Variants in FAN1 observed in about 807,000 individuals in gnomAD.
FAN1 encodes the protein FANCD2 and FANCI associated nuclease 1.
In FAN1, 91 loss-of-function variants were observed where a neutral mutation model predicts 104.9. The ratio of observed to expected loss-of-function variants is 0.87; its 90% CI spans 0.73 to 1.03. The LOEUF (loss-of-function observed/expected upper bound fraction) is 1.03. FAN1 is among the 50% of genes least tolerant of loss of function. FAN1 has a pLI of 0.00. For synonymous variants in FAN1, 478 were observed against 457.6 expected (o/e 1.04, Z -0.57); for missense variants, 1,263 against 1,239.9 (o/e 1.02, Z -0.28).
At chr15:30,941,005 T>G (rs2063028372) in intron 14 of FAN1, 4 of 1,160,166 alleles carry the variant, frequency 3.4e-6, no homozygotes, top group South Asian at 3.5e-5. Context: ...ATCAGGTGAG[T>G]TCAATTAGAG....
At chr15:30,939,906 G>A (rs2062981078) in intron 14 of FAN1, 1 of 985,214 alleles carries the variant, frequency 1.0e-6, no homozygotes, top group Non-Finnish European at 1.2e-6. Flanking sequence ...AAAACCTTGG[G>A]TTTACCCATA....
Position 30,905,890 on chromosome 15 carries a change from G to A in FAN1, c.1227G>A (p.Gln409=). 6.2e-7 allele frequency: 1 copy of A among 1,611,560 alleles called. No homozygotes were observed. The highest frequency in any genetic ancestry group is 1.1e-5 in the South Asian group (1 of 91,002). Residue 409 remains glutamine, a synonymous_variant, in exon 2 of 15, where the codon CAG becomes CAA. Coordinates refer to ENST00000362065, the MANE Select transcript of FAN1 (RefSeq NM_014967.5). ...QEKGIVTKFY[Q]LSATGQKLYV... ...AGGGAATTGTAACTAAATTTTATCA[G>A]TTATCAGGTATCTTACGCACGTGTT...
intron 6 of FAN1, 89 bp downstream of exon 6, chr15:30,918,384 C>T: frequency 1.5e-6 from 2 of 1,314,710 alleles, no homozygotes; most frequent in Non-Finnish European, 2.2e-6. Context: ...GAAGAATATA[C>T]TCCTTTTTCT....
At chr15:30,926,039 T>C in intron 10 of FAN1, 100 bp downstream of exon 10, 1 of 1,217,624 alleles carries the variant, frequency 8.2e-7, no homozygotes, top group South Asian at 1.4e-5. Flanking sequence ...CTCTCTGTCC[T>C]CTGCTCACAG....
Position 30,914,018 on chromosome 15 carries a change from G to C in FAN1, c.1738G>C (p.Gly580Arg), listed in dbSNP as rs186233126. The C allele has an allele frequency of 6.2e-7, 1 of 1,614,104 alleles. No homozygotes were observed. ...TTCAACAGTCCTGTTGGTCAACCTC[G>C]GCCGAATGGAGTTTCCTAGTTACAC... Reference protein sequence around the residue: ...QLSTVLLVNLGRMEFPSYTIN... With the variant: ...QLSTVLLVNLRRMEFPSYTIN... The change falls in exon 5 of 15, where the codon GGC becomes CGC. Residue 580 changes from glycine (G) to arginine (R), a missense_variant. Transcript: ENST00000362065.
rs531416427 is a variant in FAN1, at chr15:30,905,479, G to C, written c.816G>C (p.Arg272Ser). Residue 272 changes from arginine (R) to serine (S), a missense_variant, in exon 2 of 15, where the codon AGG becomes AGC. This residue lies in a region of FAN1 where 682 missense variants were observed against 571.1 expected (regional missense o/e 1.19). Transcript: ENST00000362065. ...IMLFSPDFTL[R>S]NTLKSTSEDS... is the part of the protein sequence containing the mutation. Reference sequence around the variant, plus strand: ...TATTCTCACCAGATTTCACTCTTAGGAATACATTAAAGTCTACTTCAGAAG... The same window carrying C: ...TATTCTCACCAGATTTCACTCTTAGCAATACATTAAAGTCTACTTCAGAAG... 3 of 1,614,046 alleles carry C rather than the reference G, an allele frequency of 1.9e-6. No individual in the cohort carries two copies. The highest frequency in any genetic ancestry group is 2.5e-6 in the Non-Finnish European group (3 of 1,179,954).
At chr15:30,908,751 G>C (rs1202663920) in intron 3 of FAN1, among the ~76,000 whole-genome samples, 2 of 152,216 alleles carry the variant, frequency 1.3e-5, no homozygotes, top group Admixed American at 1.3e-4. Flanking sequence ...TGAGGCAGGA[G>C]AATCACTTGA....
At chr15:30,917,075 G>A (rs891504506) in intron 5 of FAN1, among the ~76,000 whole-genome samples, 17 of 152,178 alleles carry the variant, frequency 1.1e-4, no homozygotes, top group African/African-American at 4.1e-4. Flanking sequence ...CTGGGTTGTT[G>A]GTAGCGGCAG....
rs558085550 is a variant in FAN1, at chr15:30,926,604, A to G, written c.2488+665A>G. 1.1e-5 allele frequency: 11 copies of G among 984,738 alleles called. No homozygotes were observed. In the East Asian group the frequency reaches 1.2e-3, roughly 112 times the overall value. 61.0% of individuals were successfully genotyped at this position (984,738 alleles called of 1,614,324 possible). A position where few individuals can be genotyped will look rare whatever the true frequency, so the allele number is the denominator to read the frequency against. On this transcript the variant is annotated intron_variant, in intron 10 of 14. Coordinates refer to ENST00000362065, the MANE Select transcript of FAN1 (RefSeq NM_014967.5). ...CATCTACATAATATCTTTATTACTT[A>G]CAGGGAAGGGTGATGTTATTGGGGA... is the stretch of plus-strand genomic sequence containing the variant.
chr15:30,933,481 G>A (rs922833643), intron 13 of FAN1, among the ~76,000 whole-genome samples: 1 of 152,160 alleles, frequency 6.6e-6, no homozygotes, highest in African/African-American at 2.4e-5. Flanking sequence ...TGTATTCAGA[G>A]GACATATTTT....
chr15:30,925,454 C>A (rs892215202), intron 9 of FAN1, among the ~76,000 whole-genome samples, 163 bp downstream of exon 9: 1 of 152,192 alleles, frequency 6.6e-6, no homozygotes, highest in African/African-American at 2.4e-5. Flanking sequence ...CCAGTCTCCC[C>A]CTAACGCCCT....
chr15:30,905,730 C>T lies in FAN1; in HGVS notation c.1067C>T (p.Pro356Leu), dbSNP rs1045312673. 6.2e-7 allele frequency: 1 copy of T among 1,614,172 alleles called. No individual in the cohort carries two copies. Among genetic ancestry groups the T allele is most frequent in the African/African-American group, 1.3e-5 (1 of 75,042 alleles). The change falls in exon 2 of 15, where the codon CCT becomes CTT. Residue 356 changes from proline (P) to leucine (L), a missense_variant. By Grantham distance (98) the Pro-to-Leu change is moderately conservative. This residue lies in a region of FAN1 where 682 missense variants were observed against 571.1 expected (regional missense o/e 1.19). Coordinates refer to ENST00000362065, the MANE Select transcript of FAN1 (RefSeq NM_014967.5). ...AACAATGATATCCCTCACAGCATTC[C>T]TTTGGAGCAGGGGTCAAGCTGCAAT... ...CLNNDIPHSI[P>L]LEQGSSCNGP...
chr15:30,928,106 G>A, intron 10 of FAN1: 1 of 1,000,550 alleles, frequency 1.0e-6, no homozygotes, highest in Non-Finnish European at 1.2e-6. Context: ...CGGCCTCCGG[G>A]AGGTCCCCTT....
At chr15:30,940,474 C>T (rs1336907381) in intron 14 of FAN1, 2 of 985,276 alleles carry the variant, frequency 2.0e-6, no homozygotes, top group East Asian at 2.3e-4. Context: ...TGCAGGTGCC[C>T]AACTCGTAAC....
At position 30,908,209 on chromosome 15, in the gene FAN1, C is replaced by G. The variant is rs761870607; in HGVS notation, c.1326C>G (p.Asp442Glu). Reference protein sequence around the residue: ...TKLEYEEIALDLTPVIEELTN... With the variant: ...TKLEYEEIALELTPVIEELTN... ...TAGAGTATGAAGAGATTGCCTTAGA[C>G]TTAACACCTGTGATTGAAGAATTGA... Residue 442 changes from aspartate to glutamate, a missense_variant, in exon 3 of 15, where the codon GAC becomes GAG. Physicochemically the swap from Asp to Glu is conservative, Grantham distance 45. Around this residue, in one of 2 missense-constraint regions of FAN1, gnomAD observed 682 missense variants for 571.1 expected, o/e 1.19. Transcript: ENST00000362065. The G allele has an allele frequency of 6.2e-7, 1 of 1,610,238 alleles. No homozygotes were observed. The highest frequency in any genetic ancestry group is 8.5e-7 in the Non-Finnish European group (1 of 1,178,514).
At position 30,942,219 on chromosome 15, in the gene FAN1, T is replaced by C. The variant is rs1029786218; in HGVS notation, c.*657T>C. ...TTTCCTCCCTTCCTTTGTGTCCTTA[T>C]TCTAATCCTCCTCCCCTGGAATTAC... On this transcript the variant is annotated 3_prime_UTR_variant, in exon 15 of 15. Coordinates refer to ENST00000362065, the MANE Select transcript of FAN1 (RefSeq NM_014967.5). 1.1e-5 allele frequency: 11 copies of C among 988,366 alleles called. No homozygotes were observed. The African/African-American group carries it at 1.6e-4, about 15-fold the overall frequency. The allele number at this position is 988,366 out of a possible 1,614,324, so 61.2% of individuals were successfully genotyped here.
intron 13 of FAN1, among the ~76,000 whole-genome samples, chr15:30,933,241 C>T (rs1051931843): frequency 6.6e-6 from 1 of 152,078 alleles, no homozygotes; most frequent in Admixed American, 6.5e-5. Context: ...TTGAGAACTT[C>T]TTTTCTAATA....
intron 4 of FAN1, among the ~76,000 whole-genome samples, chr15:30,911,960 G>A (rs2062109027): frequency 6.6e-6 from 1 of 151,826 alleles, no homozygotes; most frequent in African/African-American, 2.4e-5. Flanking sequence ...TACTTGGGAG[G>A]CTGAGTCAGG....
chr15:30,910,712 C>A lies in FAN1; in HGVS notation c.1474C>A (p.Gln492Lys). ...CTTCCACTTGGTGAATCCCAATGGA[C>A]AGAAACAGCAGCTGGTGGACGCCTT... ...KTFHLVNPNG[Q>K]KQQLVDAFLK... Residue 492 changes from glutamine to lysine, a missense_variant, in exon 4 of 15, where the codon CAG becomes AAG. By Grantham distance (53) the Gln-to-Lys change is moderately conservative (BLOSUM62 1). Transcript: ENST00000362065. 1 of 1,614,002 alleles carries A rather than the reference C, an allele frequency of 6.2e-7. No homozygotes were observed. Among genetic ancestry groups the A allele is most frequent in the Non-Finnish European group, 8.5e-7 (1 of 1,179,938 alleles).
Sources: allele counts gnomAD v4.1 joint callset (sites outside exome capture counted in the v4.1 genomes callset), GRCh38; gene constraint gnomAD v4.1.1; regional missense constraint gnomAD v4.1.1; transcripts MANE v1.5; gene names NCBI Gene and HGNC (gene_info 2026-07-23, HGNC 2026-07-21).